PPP2R2B: variants seen among roughly 807,000 people sequenced by gnomAD.
The protein encoded by PPP2R2B is protein phosphatase 2 regulatory subunit Bbeta.
In PPP2R2B, 5 loss-of-function variants were observed where a neutral mutation model predicts 46.0. The ratio of observed to expected loss-of-function variants is 0.11; its 90% confidence interval spans 0.06 to 0.23. PPP2R2B has a LOEUF of 0.23. Among genes scored for constraint, PPP2R2B ranks in the 10% least tolerant of loss-of-function variants. The pLI is 1.00. For missense variants in PPP2R2B, 367 were observed against 575.0 expected (o/e 0.64, Z 3.70); for synonymous variants, 215 against 206.7 (o/e 1.04, Z -0.34).
chr5:146,691,862 C>T (rs962536618), intron 4 of PPP2R2B, among the ~76,000 whole-genome samples: 1 of 152,140 alleles, frequency 6.6e-6, no homozygotes, highest in African/African-American at 2.4e-5. Flanking sequence ...CTGGAAAGTC[C>T]TTTACCCTCT....
chr5:146,781,954 G>T (rs1755556991), intron 2 of PPP2R2B, among the ~76,000 whole-genome samples: 1 of 152,162 alleles, frequency 6.6e-6, no homozygotes, highest in Non-Finnish European at 1.5e-5. Context: ...ATAGGATCAT[G>T]GGGGCAGTTT....
chr5:146,979,086 C>T (rs752223841), intron 1 of PPP2R2B, among the ~76,000 whole-genome samples: 9 of 152,154 alleles, frequency 5.9e-5, no homozygotes, highest in Non-Finnish European at 1.0e-4. Context: ...ACTTACTCTA[C>T]TTCAGTAACA....
Position 147,064,660 on chromosome 5 carries a change from T to C in PPP2R2B, c.50+16399A>G, listed in dbSNP as rs560359258. The stretch of plus-strand genomic sequence containing the variant: ...TCACCTCATTCTCCCACAGGTCTAG[T>C]ATACAAATCAAAACAATCTAGCATA... On this transcript the variant is annotated intron_variant, in intron 2 of 10. Transcript: ENST00000394413. 8.1e-4 allele frequency among the ~76,000 whole-genome samples: 123 copies of C among 152,350 alleles called. 1 individual carries two copies. The highest frequency in any genetic ancestry group is 1.6e-3 in the Non-Finnish European group (108 of 68,028).
intron 2 of PPP2R2B, among the ~76,000 whole-genome samples, chr5:146,829,849 T>C (rs564185016): frequency 6.6e-6 from 1 of 152,348 alleles, no homozygotes; most frequent in South Asian, 2.1e-4. Flanking sequence ...TCTATTTTCA[T>C]TGCAGGCAAA....
At chr5:147,077,301 CACACA>C (rs1757813460) in intron 2 of PPP2R2B, among the ~76,000 whole-genome samples, 1 of 147,392 alleles carries the variant, frequency 6.8e-6, no homozygotes, top group South Asian at 2.1e-4. Context: ...CACACACACA[CACACA>C]CACACCCACA....
At chr5:146,779,613 C>G (rs1374750830) in intron 2 of PPP2R2B, among the ~76,000 whole-genome samples, 1 of 152,148 alleles carries the variant, frequency 6.6e-6, no homozygotes, top group Non-Finnish European at 1.5e-5. Flanking sequence ...TAGAGGCCAA[C>G]AGTCTATTAC....
chr5:146,645,467 T>C (rs1026963400), intron 6 of PPP2R2B, among the ~76,000 whole-genome samples: 20 of 152,182 alleles, frequency 1.3e-4, no homozygotes, highest in African/African-American at 4.8e-4. Flanking sequence ...AAATATGTAT[T>C]GGGCAGGGTG....
chr5:147,045,048 G>A (rs1756484360), intron 1 of PPP2R2B, among the ~76,000 whole-genome samples: 1 of 152,120 alleles, frequency 6.6e-6, no homozygotes, highest in South Asian at 2.1e-4. Context: ...TGGATGTCAA[G>A]ACAATAAACA....
intron 1 of PPP2R2B, among the ~76,000 whole-genome samples, chr5:146,994,367 G>T (rs1290651576): frequency 1.3e-5 from 2 of 152,108 alleles, no homozygotes; most frequent in African/African-American, 4.8e-5. Context: ...GTTCAGTTTG[G>T]CTTCCTCCAG....
chr5:146,743,274 C>G (rs1334486850), intron 2 of PPP2R2B, among the ~76,000 whole-genome samples: 2 of 152,084 alleles, frequency 1.3e-5, no homozygotes, highest in African/African-American at 4.8e-5. Context: ...TTTCACCATT[C>G]AAATAGGATT....
chr5:146,719,699 G>A (rs1470690533), intron 2 of PPP2R2B, among the ~76,000 whole-genome samples: 2 of 152,270 alleles, frequency 1.3e-5, no homozygotes, highest in Middle Eastern at 3.4e-3. Context: ...ACCAGTTGGA[G>A]TGGATAGGTC....
At chr5:147,060,665 C>CA (rs1042837672), upstream of PPP2R2B, among the ~76,000 whole-genome samples, 1 of 151,894 alleles carries the variant, frequency 6.6e-6, no homozygotes, top group East Asian at 1.9e-4. Context: ...CAAAACAAAA[C>CA]AAAAAAATGA....
chr5:146,689,083 C>T (rs2151149311), intron 5 of PPP2R2B, among the ~76,000 whole-genome samples: 1 of 152,008 alleles, frequency 6.6e-6, no homozygotes. Context: ...ATATATAGGC[C>T]CACTATCAGT....
intron 2 of PPP2R2B, among the ~76,000 whole-genome samples, chr5:146,762,375 G>A (rs372279505): frequency 4.6e-5 from 7 of 152,116 alleles, no homozygotes; most frequent in South Asian, 2.1e-4. Flanking sequence ...AAATAGTACC[G>A]AAAGCTGCAC....
chr5:146,693,083 C>T (rs1778967199), intron 4 of PPP2R2B, among the ~76,000 whole-genome samples: 1 of 152,116 alleles, frequency 6.6e-6, no homozygotes, highest in African/African-American at 2.4e-5. Context: ...ACGGGGATTC[C>T]CACTCAGTAG....
At chr5:146,763,809 A>T (rs186299653) in intron 2 of PPP2R2B, among the ~76,000 whole-genome samples, 1 of 152,198 alleles carries the variant, frequency 6.6e-6, no homozygotes, top group African/African-American at 2.4e-5. Context: ...TGCAACTTTG[A>T]CTTTATGGAC....
chr5:146,858,148 C>T (rs968316506), intron 2 of PPP2R2B, among the ~76,000 whole-genome samples: 2 of 152,122 alleles, frequency 1.3e-5, no homozygotes, highest in African/African-American at 4.8e-5. Flanking sequence ...AGATGAGGCA[C>T]CTGGGCTTAG....
intron 2 of PPP2R2B, among the ~76,000 whole-genome samples, chr5:146,759,294 G>A (rs1220942025): frequency 6.6e-6 from 1 of 152,154 alleles, no homozygotes; most frequent in Non-Finnish European, 1.5e-5. Context: ...ATCAGATGCT[G>A]GTAAAGCTAT....
chr5:146,950,571 C>G (rs976997468), intron 1 of PPP2R2B, among the ~76,000 whole-genome samples: 1 of 151,990 alleles, frequency 6.6e-6, no homozygotes, highest in African/African-American at 2.4e-5. Flanking sequence ...AACATCAGTA[C>G]TTTTCCAAGT....
Sources: allele counts gnomAD v4.1 joint callset (sites outside exome capture counted in the v4.1 genomes callset), GRCh38; gene constraint gnomAD v4.1.1; transcripts MANE v1.5; gene names NCBI Gene and HGNC (gene_info 2026-07-23, HGNC 2026-07-21).